COL3A1: variants seen among roughly 807,000 people sequenced by gnomAD.
The protein encoded by COL3A1 is collagen type III alpha 1 chain.
A neutral mutation model predicts 200.9 loss-of-function variants in COL3A1; 46 were observed. The observed-to-expected ratio is 0.23, with a 90% CI of 0.18 to 0.29. COL3A1 has a LOEUF of 0.29. Among genes scored for constraint, COL3A1 ranks in the 10% least tolerant of loss-of-function variants. COL3A1 has a pLI of 1.00. For missense variants in COL3A1, 1,367 were observed against 1,917.6 expected (o/e 0.71, Z 5.36); for synonymous variants, 650 against 628.0 (o/e 1.03, Z -0.52).
At position 188,994,321 on chromosome 2, in the gene COL3A1, C is replaced by A; in HGVS notation, c.1282C>A (p.Arg428=). Residue 428 remains arginine (R), a synonymous_variant, in exon 18 of 51, where the codon CGA becomes AGA. Transcript: ENST00000304636. The surrounding 1 kb of genome is among the most constrained non-coding windows in gnomAD (Gnocchi z 4.5). ...PAGANGAPGL[R]GGAGEPGKNG... ...CGGTGCTAATGGTGCTCCTGGACTG[C>A]GAGGTGGTGCAGTAAGTTGCCTTGT... 6.2e-7 allele frequency: 1 copy of A among 1,613,538 alleles called. No homozygotes were observed. Among genetic ancestry groups the A allele is most frequent in the Non-Finnish European group, 8.5e-7 (1 of 1,179,922 alleles).
intron 8 of COL3A1, among the ~76,000 whole-genome samples, 183 bp from the exon 9 acceptor site, chr2:188,989,913 A>C (rs970393733): frequency 3.9e-5 from 6 of 152,160 alleles, no homozygotes; most frequent in African/African-American, 1.4e-4. Flanking sequence ...TTATAAGCTT[A>C]TATCAAAGTG....
intron 4 of COL3A1, among the ~76,000 whole-genome samples, chr2:188,986,816 A>T (rs557752105): frequency 6.6e-6 from 1 of 152,194 alleles, no homozygotes; most frequent in Admixed American, 6.6e-5. Context: ...ATTGGGGGGA[A>T]CTAACATTGA....
chr2:188,986,955 A>C (rs1688075750), intron 4 of COL3A1, 104 bp from the exon 5 acceptor site: 1 of 968,330 alleles, frequency 1.0e-6, no homozygotes, highest in South Asian at 1.3e-5. Flanking sequence ...GCACACAAAA[A>C]CCTATCAGTA....
intron 5 of COL3A1, among the ~76,000 whole-genome samples, chr2:188,987,685 A>G (rs1327033628): frequency 6.6e-6 from 1 of 152,040 alleles, no homozygotes; most frequent in East Asian, 1.9e-4. Flanking sequence ...TGATTATAGG[A>G]TTTCTAGTGT....
At position 189,004,283 on chromosome 2, in the gene COL3A1, T is replaced by C. The variant is rs1688537985; in HGVS notation, c.2850T>C (p.Ala950=). The change falls in exon 40 of 51, where the codon GCT becomes GCC. Residue 950 remains alanine (A), a synonymous_variant. Coordinates refer to ENST00000304636, the MANE Select transcript of COL3A1 (RefSeq NM_000090.4). ...PPGAPGPLGI[A]GITGARGLAG... ...GAGCTCCAGGCCCACTTGGGATTGC[T>C]GGGATCACTGGAGCACGGGGTCTTG... The C allele has an allele frequency of 1.9e-6, 3 of 1,607,194 alleles. No homozygotes were observed. Among genetic ancestry groups the C allele is most frequent in the African/African-American group, 1.3e-5 (1 of 74,904 alleles).
At chr2:189,010,389 T>C in intron 49 of COL3A1, 24 bp downstream of exon 49, 1 of 1,611,222 alleles carries the variant, frequency 6.2e-7, no homozygotes. Flanking sequence ...TACCTTTTTT[T>C]AAATAAGTCA....
chr2:188,991,792 T>G, intron 13 of COL3A1, 70 bp downstream of exon 13: 1 of 1,512,556 alleles, frequency 6.6e-7, no homozygotes, highest in Admixed American at 1.7e-5. Flanking sequence ...CAGTAAAGTT[T>G]CAGGCTGTAA....
At chr2:188,977,003 T>A (rs1424288747) in intron 1 of COL3A1, among the ~76,000 whole-genome samples, 1 of 152,106 alleles carries the variant, frequency 6.6e-6, no homozygotes, top group Non-Finnish European at 1.5e-5. Flanking sequence ...CCTAAGGAAA[T>A]TAGTATGTTA....
intron 14 of COL3A1, 39 bp downstream of exon 14, chr2:188,992,267 G>T: frequency 6.3e-7 from 1 of 1,578,164 alleles, no homozygotes; most frequent in Non-Finnish European, 8.7e-7. Context: ...GTAGGGTAAT[G>T]AGAAGTTATG....
intron 26 of COL3A1, 90 bp downstream of exon 26, chr2:188,997,479 T>C (rs1688355691): frequency 2.3e-6 from 3 of 1,324,726 alleles, no homozygotes; most frequent in East Asian, 2.3e-5. Context: ...TCTGACACCA[T>C]GTTGTTACAG....
intron 48 of COL3A1, 48 bp from the exon 49 acceptor site, chr2:189,010,130 A>C (rs1410656271): frequency 6.3e-7 from 1 of 1,585,548 alleles, no homozygotes; most frequent in South Asian, 1.1e-5. Context: ...AAATCACTTT[A>C]TTACTGGATT....
chr2:188,992,685 A>G (rs1688213740), intron 14 of COL3A1, among the ~76,000 whole-genome samples: 2 of 152,304 alleles, frequency 1.3e-5, no homozygotes, highest in Non-Finnish European at 1.5e-5. Context: ...CAAAGTAGGG[A>G]GAAACCAAGA....
rs201220788 is a variant in COL3A1, at chr2:189,005,437, G to A, written c.3019G>A (p.Ala1007Thr). The change falls in exon 41 of 51, where the codon GCT (alanine) becomes ACT (threonine). Residue 1007 changes from alanine (A) to threonine (T), a missense_variant. Ala to Thr is a moderately conservative substitution (Grantham distance 58). Coordinates refer to ENST00000304636, the MANE Select transcript of COL3A1 (RefSeq NM_000090.4). ...GGGTCTTCCTGGTCTGGCTGGTACA[G>A]CTGGTGAACCTGGAAGAGATGTGAG... is the stretch of plus-strand genomic sequence containing the variant. The part of the protein sequence containing the change: ...PQGLPGLAGT[A>T]GEPGRDGNPG... 8.4e-5 allele frequency: 136 copies of A among 1,614,022 alleles called. No homozygotes were observed. Among genetic ancestry groups the A allele is most frequent in the African/African-American group, 4.0e-5 (3 of 75,048 alleles).
chr2:188,992,993 A>G, intron 15 of COL3A1, 53 bp downstream of exon 15: 2 of 1,544,680 alleles, frequency 1.3e-6, no homozygotes, highest in Non-Finnish European at 9.0e-7. Flanking sequence ...GGCAAGAGAA[A>G]AGCATTAGAT....
chr2:189,009,057 A>G lies in COL3A1; in HGVS notation c.3659A>G (p.Tyr1220Cys). 6.2e-7 allele frequency: 1 copy of G among 1,614,196 alleles called. No homozygotes were observed. The highest frequency in any genetic ancestry group is 8.5e-7 in the Non-Finnish European group (1 of 1,180,034). The change falls in exon 48 of 51, where the codon TAT becomes TGT. Residue 1220 changes from tyrosine (Y) to cysteine (C), a missense_variant. Physicochemically the swap from Tyr to Cys is radical, Grantham distance 194 (BLOSUM62 -2). Transcript: ENST00000304636. ...GEKAGGFAPY[Y>C]GDEPMDFKIN... ...AAAGCTGGCGGTTTTGCCCCGTATT[A>G]TGGAGATGAACCAATGGATTTCAAA... is the stretch of plus-strand genomic sequence containing the variant.
In COL3A1 at chr2:189,012,041, C is replaced by A. The variant is rs183199756; in HGVS notation, c.*267C>A. 8.5e-6 allele frequency: 4 copies of A among 470,450 alleles called. No individual in the cohort carries two copies. Among genetic ancestry groups the A allele is most frequent in the Admixed American group, 6.8e-5 (2 of 29,392 alleles). The allele number at this position is 470,450 out of a possible 1,614,324, so 29.1% of individuals were successfully genotyped here. On this transcript the variant is annotated 3_prime_UTR_variant, in exon 51 of 51. Coordinates refer to ENST00000304636, the MANE Select transcript of COL3A1 (RefSeq NM_000090.4). ...TGGTGCTATAATAAATAAACTTCAA[C>A]ACTCTTTATGATAACAACACTGTGT...
In COL3A1 at chr2:188,984,935, T is replaced by C. The variant is rs772268297; in HGVS notation, c.255T>C (p.Cys85=). 6.2e-7 allele frequency: 1 copy of C among 1,613,096 alleles called. No individual in the cohort carries two copies. The highest frequency in any genetic ancestry group is 8.5e-7 in the Non-Finnish European group (1 of 1,179,388). ...PNPEIPFGEC[C]AVCPQPPTAP... is the part of the protein sequence containing the mutation. Reference sequence around the variant, plus strand: ...CAGAAATTCCATTTGGAGAATGTTGTGCAGTTTGCCCACAGCCTCCAACTG... The same window carrying C: ...CAGAAATTCCATTTGGAGAATGTTGCGCAGTTTGCCCACAGCCTCCAACTG... Residue 85 remains cysteine, a synonymous_variant, in exon 2 of 51, where the codon TGT becomes TGC. Coordinates refer to ENST00000304636, the MANE Select transcript of COL3A1 (RefSeq NM_000090.4).
intron 1 of COL3A1, among the ~76,000 whole-genome samples, chr2:188,977,069 CAG>C (rs1281906356): frequency 6.6e-6 from 1 of 152,098 alleles, no homozygotes; most frequent in Non-Finnish European, 1.5e-5. Flanking sequence ...TAACAATATT[CAG>C]AGTCTTTTTG....
rs763283157 is a variant in COL3A1 at position 189,001,454 on chromosome 2, A to G, written c.2337+4A>G. On this transcript the variant is annotated splice_donor_region_variant and intron_variant, in intron 33 of 50. Coordinates refer to ENST00000304636, the MANE Select transcript of COL3A1 (RefSeq NM_000090.4). ...AGCTGGCCAGCCTGGAGATAAGGTA[A>G]CCCTTAATACTACCTGGATATAAAA... The G allele has an allele frequency of 6.2e-7, 1 of 1,613,964 alleles. No homozygotes were observed. Among genetic ancestry groups the G allele is most frequent in the Non-Finnish European group, 8.5e-7 (1 of 1,179,836 alleles).
Sources: allele counts gnomAD v4.1 joint callset (sites outside exome capture counted in the v4.1 genomes callset), GRCh38; gene constraint gnomAD v4.1.1; non-coding constraint Gnocchi (gnomAD v3.1); transcripts MANE v1.5; gene names NCBI Gene and HGNC (gene_info 2026-07-23, HGNC 2026-07-21).